LRRFIP1: variants seen among roughly 807,000 people sequenced by gnomAD.
The protein encoded by LRRFIP1 is leucine-rich repeat flightless-interacting protein 1.
In LRRFIP1, 62 loss-of-function variants were observed where a neutral mutation model predicts 104.4. That is an observed-to-expected ratio of 0.59 (90% CI 0.48 to 0.73). The LOEUF (loss-of-function observed/expected upper bound fraction) is 0.73. LRRFIP1 is among the 30% of genes least tolerant of loss of function. LRRFIP1 has a pLI of 0.00. For missense variants in LRRFIP1, 796 were observed against 824.5 expected (o/e 0.97, Z 0.42); for synonymous variants, 300 against 299.0 (o/e 1.00, Z -0.03).
At chr2:237,655,958 G>T (rs2086751859) in intron 1 of LRRFIP1, among the ~76,000 whole-genome samples, 1 of 152,174 alleles carries the variant, frequency 6.6e-6, no homozygotes, top group South Asian at 2.1e-4. Context: ...GTGAGTTATT[G>T]GTTCCCAGTT....
At chr2:237,729,652 C>T (rs1559701288) in intron 8 of LRRFIP1, 1 of 182,626 alleles carries the variant, frequency 5.5e-6, no homozygotes, top group Non-Finnish European at 1.0e-5. Context: ...GATAAACTAG[C>T]GTTCCTGGGC....
intron 19 of LRRFIP1, 45 bp from the exon 20 acceptor site, chr2:237,769,898 C>T (rs760224072): frequency 7.6e-6 from 11 of 1,445,530 alleles, no homozygotes; most frequent in African/African-American, 2.8e-5. Context: ...CTGAAAGGCG[C>T]GGCACGCGGA....
chr2:237,726,091 T>C (rs2094737508), intron 7 of LRRFIP1, among the ~76,000 whole-genome samples: 1 of 152,232 alleles, frequency 6.6e-6, no homozygotes, highest in Admixed American at 6.5e-5. Context: ...TCAAATAATC[T>C]TGTTGCTGAA....
chr2:237,727,086 G>C (rs149159076), intron 7 of LRRFIP1, among the ~76,000 whole-genome samples: 58 of 152,282 alleles, frequency 3.8e-4, no homozygotes, highest in African/African-American at 1.3e-3. Context: ...GGCCGGGCGC[G>C]ATGGCTCACG....
intron 1 of LRRFIP1, 29 bp from the exon 2 acceptor site, chr2:237,708,515 C>T: frequency 2.0e-6 from 3 of 1,531,640 alleles, no homozygotes; most frequent in South Asian, 1.3e-5. Context: ...GCTGCTCTGT[C>T]CTCTAATAAG....
At chr2:237,754,923 G>A (rs1047937116) in intron 15 of LRRFIP1, among the ~76,000 whole-genome samples, 9 of 152,188 alleles carry the variant, frequency 5.9e-5, no homozygotes, top group South Asian at 2.1e-4. Flanking sequence ...ATGCTGTCCC[G>A]AGATGGACAC....
intron 12 of LRRFIP1, 79 bp from the exon 13 acceptor site, chr2:237,749,120 G>T: frequency 6.8e-7 from 1 of 1,467,154 alleles, no homozygotes; most frequent in Non-Finnish European, 9.3e-7. Flanking sequence ...GGGGATTATG[G>T]GGATTACAAT....
intron 1 of LRRFIP1, among the ~76,000 whole-genome samples, chr2:237,630,785 G>A (rs11691913): frequency 0.4 from 61,536 of 152,112 alleles, 12,894 homozygotes; most frequent in East Asian, 0.45. Context: ...CAGCACCTGC[G>A]CAGCTGGTTG....
intron 3 of LRRFIP1, 45 bp downstream of exon 3, chr2:237,714,321 T>C: frequency 6.5e-7 from 1 of 1,536,462 alleles, no homozygotes. Context: ...GTACTGTTTT[T>C]TCCTTGCCAA....
intron 1 of LRRFIP1, among the ~76,000 whole-genome samples, chr2:237,643,388 T>C (rs1330257613): frequency 6.6e-6 from 1 of 152,274 alleles, no homozygotes; most frequent in Non-Finnish European, 1.5e-5. Context: ...CACCCTCGCC[T>C]TCAGAAGTTC....
chr2:237,637,771 G>A (rs2083312135), intron 1 of LRRFIP1, among the ~76,000 whole-genome samples: 1 of 152,186 alleles, frequency 6.6e-6, no homozygotes, highest in African/African-American at 2.4e-5. Flanking sequence ...AAGAAATCAG[G>A]AGATCTAAAG....
At chr2:237,683,112 A>C (rs1395067293) in intron 1 of LRRFIP1, among the ~76,000 whole-genome samples, 1 of 152,368 alleles carries the variant, frequency 6.6e-6, no homozygotes, top group East Asian at 1.9e-4. Flanking sequence ...GTGCAACCCC[A>C]AACGTCAGGG....
intron 7 of LRRFIP1, among the ~76,000 whole-genome samples, chr2:237,724,204 C>T (rs1299385557): frequency 1.3e-5 from 2 of 152,160 alleles, no homozygotes; most frequent in Non-Finnish European, 1.5e-5. Flanking sequence ...CAGTGTTATA[C>T]TTCAAGGAAG....
intron 1 of LRRFIP1, among the ~76,000 whole-genome samples, chr2:237,636,556 T>C (rs76205187): frequency 0.014 from 2,072 of 152,240 alleles, 45 homozygotes; most frequent in African/African-American, 0.044. Context: ...TCACTTAATT[T>C]GGGGGTTTTC....
intron 1 of LRRFIP1, among the ~76,000 whole-genome samples, chr2:237,665,684 T>A (rs1272782532): frequency 6.6e-6 from 1 of 152,230 alleles, no homozygotes; most frequent in Non-Finnish European, 1.5e-5. Context: ...AGGGAGAGTG[T>A]GTTAACATTT....
At chr2:237,715,855 C>T (rs528058596) in intron 3 of LRRFIP1, among the ~76,000 whole-genome samples, 1 of 152,188 alleles carries the variant, frequency 6.6e-6, no homozygotes, top group African/African-American at 2.4e-5. Flanking sequence ...CTGGCTAACC[C>T]AGGAACTACT....
At chr2:237,630,554 TCA>T (rs1340869183) in intron 1 of LRRFIP1, among the ~76,000 whole-genome samples, 1 of 152,204 alleles carries the variant, frequency 6.6e-6, no homozygotes, top group Non-Finnish European at 1.5e-5. Flanking sequence ...TGAGAGAGAA[TCA>T]CAGCCGGCCA....
Position 237,756,192 on chromosome 2 carries a change from G to A in LRRFIP1, c.1131+5G>A. 1 of 1,608,358 alleles carries A rather than the reference G, an allele frequency of 6.2e-7. No homozygotes were observed. Among genetic ancestry groups the A allele is most frequent in the Non-Finnish European group, 8.5e-7 (1 of 1,175,566 alleles). On this transcript the variant is annotated splice_donor_5th_base_variant and intron_variant, in intron 16 of 23. Coordinates refer to ENST00000308482, the MANE Select transcript of LRRFIP1 (RefSeq NM_001137550.2). ...CAAAGAGAGGAAATGCTCGAGGTAG[G>A]TAGCATTCTCCTGCTTTTCTTTTCC...
chr2:237,654,554 C>CT (rs71402730), intron 1 of LRRFIP1, among the ~76,000 whole-genome samples: 20,726 of 144,794 alleles, frequency 0.14, 1,862 homozygotes, highest in Non-Finnish European at 0.22. Flanking sequence ...GAAAATATTC[C>CT]TTTTTTTTTT....
Sources: allele counts gnomAD v4.1 joint callset (sites outside exome capture counted in the v4.1 genomes callset), GRCh38; gene constraint gnomAD v4.1.1; transcripts MANE v1.5; gene names NCBI Gene and HGNC (gene_info 2026-07-23, HGNC 2026-07-21).